Variants in COL8A1 observed in about 807,000 individuals in gnomAD.
The protein encoded by COL8A1 is collagen type VIII alpha 1 chain.
In COL8A1, 21 loss-of-function variants were observed where a neutral mutation model predicts 42.7. The ratio of observed to expected loss-of-function variants is 0.49; its 90% CI spans 0.35 to 0.71. The LOEUF (loss-of-function observed/expected upper bound fraction) is 0.71, where lower values mean the gene tolerates loss of function less well. COL8A1 is among the 30% of genes least tolerant of loss of function. The probability of loss-of-function intolerance (pLI) is 0.01; values close to 1 mark genes in which losing one functional copy is unlikely to be tolerated. For synonymous variants in COL8A1, 367 were observed against 369.1 expected, an observed-to-expected ratio of 0.99 and a Z score of 0.06; for missense variants, 788 against 962.4, an observed-to-expected ratio of 0.82 and a Z score of 2.40.
Position 99,659,799 on chromosome 3 carries a change from T to C in COL8A1, c.-129+21135T>C, listed in dbSNP as rs78099682. Among the ~76,000 whole-genome samples, 37 of 152,342 alleles carry C rather than the reference T, an allele frequency of 2.4e-4. No homozygotes were observed. The East Asian group carries it at 7.1e-3, about 29-fold the overall frequency. ...AAACACTCGATTTCTGTTTATCTGC[T>C]ATTATTTATAGCTTACGGTTATCCT... On this transcript the variant is annotated intron_variant, in intron 1 of 3. Transcript: ENST00000652472.
At chr3:99,754,972 A>C (rs1199339512) in intron 2 of COL8A1, among the ~76,000 whole-genome samples, 1 of 152,222 alleles carries the variant, frequency 6.6e-6, no homozygotes, top group Non-Finnish European at 1.5e-5. Flanking sequence ...AGTCAGAGGA[A>C]TAATGGGTAA....
intron 1 of COL8A1, among the ~76,000 whole-genome samples, chr3:99,706,165 A>G (rs1171868426): frequency 2.0e-5 from 3 of 152,238 alleles, no homozygotes; most frequent in South Asian, 2.1e-4. Flanking sequence ...CTACTCCACT[A>G]TACACCCCAC....
rs147231137 is a variant in COL8A1, at chr3:99,776,828, C to A, written c.-3-13852C>A. Among the ~76,000 whole-genome samples, 671 of 152,264 alleles carry A rather than the reference C, an allele frequency of 4.4e-3. 5 individuals are homozygous for A. Among genetic ancestry groups the A allele is most frequent in the African/African-American group, 0.015 (634 of 41,544 alleles). ...TTTTCTGGGAAAGGGGTAGGCAATTCCCAGAACTGAGGGTTCCTCCCCTTT... is the reference window on the plus strand; with the variant it reads ...TTTTCTGGGAAAGGGGTAGGCAATTACCAGAACTGAGGGTTCCTCCCCTTT... On this transcript the variant is annotated intron_variant, in intron 2 of 3. Transcript: ENST00000652472.
At chr3:99,665,211 T>A (rs1938327280) in intron 1 of COL8A1, among the ~76,000 whole-genome samples, 1 of 152,242 alleles carries the variant, frequency 6.6e-6, no homozygotes, top group African/African-American at 2.4e-5. Flanking sequence ...TGCAGCTGCC[T>A]GCCTCTCTAC....
intron 1 of COL8A1, among the ~76,000 whole-genome samples, chr3:99,742,347 G>A (rs1166720301): frequency 6.6e-6 from 1 of 152,070 alleles, no homozygotes; most frequent in Admixed American, 6.5e-5. Context: ...CCAAATTTCT[G>A]GCTCATTCTT....
At chr3:99,667,442 G>C (rs1306371462) in intron 1 of COL8A1, among the ~76,000 whole-genome samples, 1 of 152,258 alleles carries the variant, frequency 6.6e-6, no homozygotes, top group East Asian at 1.9e-4. Flanking sequence ...TTTTGTTGTT[G>C]TTGTGTATGT....
chr3:99,652,553 TAAC>T (rs1937879801), intron 1 of COL8A1, among the ~76,000 whole-genome samples: 1 of 152,196 alleles, frequency 6.6e-6, no homozygotes, highest in Non-Finnish European at 1.5e-5. Context: ...GGCTGAATCT[TAAC>T]AAAATCACAT....
intron 1 of COL8A1, among the ~76,000 whole-genome samples, chr3:99,730,651 T>C (rs1355773415): frequency 6.6e-6 from 1 of 152,180 alleles, no homozygotes. Flanking sequence ...TTAAGACTTG[T>C]TCCTTACTCA....
intron 1 of COL8A1, among the ~76,000 whole-genome samples, chr3:99,695,626 G>C (rs1442677272): frequency 6.6e-6 from 1 of 150,936 alleles, no homozygotes; most frequent in Non-Finnish European, 1.5e-5. Flanking sequence ...CTCTTTTCCT[G>C]CTTTTCCGGT....
Position 99,795,152 on chromosome 3 carries a change from G to C in COL8A1, c.1251G>C (p.Gly417=). 1 of 1,613,746 alleles carries C rather than the reference G, an allele frequency of 6.2e-7. No homozygotes were observed. The highest frequency in any genetic ancestry group is 8.5e-7 in the Non-Finnish European group (1 of 1,179,818). ...IGFPGPKGEG[G]IVGPQGPPGP... is the part of the protein sequence containing the mutation. ...TTCCTGGACCCAAAGGAGAAGGTGG[G>C]ATTGTAGGGCCACAGGGGCCACCAG... Residue 417 remains glycine, a synonymous_variant, in exon 4 of 4, where the codon GGG becomes GGC. Coordinates refer to ENST00000652472, the MANE Select transcript of COL8A1 (RefSeq NM_020351.4).
At chr3:99,665,075 G>GA in intron 1 of COL8A1, among the ~76,000 whole-genome samples, 1 of 152,186 alleles carries the variant, frequency 6.6e-6, no homozygotes, top group Non-Finnish European at 1.5e-5. Flanking sequence ...CCAAAAGTGG[G>GA]ATGTGAGCTT....
chr3:99,768,902 G>C (rs1941522822), intron 2 of COL8A1, among the ~76,000 whole-genome samples: 1 of 152,178 alleles, frequency 6.6e-6, no homozygotes, highest in South Asian at 2.1e-4. Flanking sequence ...GTGAATTCTA[G>C]GTTATTCATG....
chr3:99,696,125 C>T (rs895411227), intron 1 of COL8A1, among the ~76,000 whole-genome samples: 3 of 152,178 alleles, frequency 2.0e-5, no homozygotes, highest in Non-Finnish European at 4.4e-5. Flanking sequence ...CAGAGTGAGG[C>T]TCCACCTCAA....
intron 1 of COL8A1, among the ~76,000 whole-genome samples, 158 bp from the exon 2 acceptor site, chr3:99,744,739 G>T (rs900567878): frequency 1.3e-5 from 2 of 152,056 alleles, no homozygotes; most frequent in East Asian, 1.9e-4. Context: ...TTGTTTATTT[G>T]AACAAAAACT....
chr3:99,707,310 T>G (rs892938696), intron 1 of COL8A1: 4 of 152,230 alleles, frequency 2.6e-5, no homozygotes, highest in African/African-American at 9.6e-5. Flanking sequence ...TGAGAAAAGA[T>G]GCAGTACAGC....
At chr3:99,720,536 C>T (rs1940120930) in intron 1 of COL8A1, among the ~76,000 whole-genome samples, 1 of 152,076 alleles carries the variant, frequency 6.6e-6, no homozygotes, top group South Asian at 2.1e-4. Context: ...AAGGCGATAA[C>T]ATTATAAAAA....
chr3:99,643,593 C>T (rs1229652928), intron 1 of COL8A1, among the ~76,000 whole-genome samples: 2 of 152,326 alleles, frequency 1.3e-5, no homozygotes, highest in African/African-American at 2.4e-5. Context: ...TCTATACAGA[C>T]ATACAGTGAC....
intron 1 of COL8A1, among the ~76,000 whole-genome samples, chr3:99,713,767 T>C (rs1939911879): frequency 6.9e-6 from 1 of 143,988 alleles, no homozygotes; most frequent in Non-Finnish European, 1.5e-5. Flanking sequence ...GTATTATAAG[T>C]TCTGGGAATG....
intron 1 of COL8A1, among the ~76,000 whole-genome samples, chr3:99,691,041 C>T (rs111966807): frequency 6.6e-6 from 1 of 152,094 alleles, no homozygotes; most frequent in African/African-American, 2.4e-5. Flanking sequence ...TCACAGGATA[C>T]CAAAAGGCTG....
Sources: gnomAD v4.1 joint callset for allele counts (sites outside exome capture counted in the v4.1 genomes callset) on GRCh38, gnomAD v4.1.1 for gene constraint, MANE v1.5 for transcripts, NCBI Gene and HGNC (gene_info 2026-07-23, HGNC 2026-07-21) for gene names.